ANTXR1: variants seen among roughly 807,000 people sequenced by gnomAD.
ANTXR1 encodes ANTXR cell adhesion molecule 1, also known as anthrax toxin receptor 1.
Under a neutral mutation model 78.1 loss-of-function variants are expected in ANTXR1, and 19 were observed. The observed-to-expected ratio is 0.24, with a 90% confidence interval of 0.17 to 0.36. ANTXR1 has a LOEUF of 0.36. Among genes scored for constraint, ANTXR1 ranks in the 10% least tolerant of loss-of-function variants. ANTXR1 has a pLI of 1.00. For synonymous variants in ANTXR1, 273 were observed against 260.5 expected (o/e 1.05, Z -0.46); for missense variants, 518 against 718.6 (o/e 0.72, Z 3.19).
chr2:69,097,732 GT>G (rs1671478958), intron 9 of ANTXR1, among the ~76,000 whole-genome samples: 1 of 152,142 alleles, frequency 6.6e-6, no homozygotes, highest in South Asian at 2.1e-4. Flanking sequence ...CCACTCCGAG[GT>G]TTTACCTAAG....
intron 17 of ANTXR1, among the ~76,000 whole-genome samples, chr2:69,200,794 T>C (rs1286659206): frequency 1.3e-5 from 2 of 152,202 alleles, no homozygotes; most frequent in South Asian, 4.1e-4. Flanking sequence ...GAGAGTGTCA[T>C]GCACTGTATG....
chr2:69,105,244 A>T (rs1671766901), intron 10 of ANTXR1, among the ~76,000 whole-genome samples: 1 of 152,238 alleles, frequency 6.6e-6, no homozygotes, highest in African/African-American at 2.4e-5. Flanking sequence ...ATATAGTTGC[A>T]AACATATGCA....
chr2:69,021,544 G>A (rs1671190818), intron 1 of ANTXR1, among the ~76,000 whole-genome samples: 1 of 152,150 alleles, frequency 6.6e-6, no homozygotes, highest in Non-Finnish European at 1.5e-5. Flanking sequence ...TCAAGGCTGC[G>A]AGGGAAGAGA....
intron 3 of ANTXR1, among the ~76,000 whole-genome samples, chr2:69,063,494 A>G (rs1322831924): frequency 6.6e-6 from 1 of 152,084 alleles, no homozygotes; most frequent in Non-Finnish European, 1.5e-5. Flanking sequence ...ATCAGCAGCA[A>G]ATCTGCGCTA....
At chr2:69,175,970 C>A (rs980133402) in intron 14 of ANTXR1, among the ~76,000 whole-genome samples, 2 of 152,020 alleles carry the variant, frequency 1.3e-5, no homozygotes, top group African/African-American at 4.8e-5. Context: ...ATCCTTCCAG[C>A]CATGTCTACA....
At position 69,147,492 on chromosome 2, in the gene ANTXR1, C is replaced by T. The variant is rs954061414; in HGVS notation, c.952-4677C>T. 7.9e-5 allele frequency among the ~76,000 whole-genome samples: 12 copies of T among 152,184 alleles called. No homozygotes were observed. In the South Asian group the frequency reaches 1.0e-3, roughly 13 times the overall value. On this transcript the variant is annotated intron_variant, in intron 12 of 17. Coordinates refer to ENST00000303714, the MANE Select transcript of ANTXR1 (RefSeq NM_032208.3). ...GACTTTCCTCTGAAGTCCATGTTCACCCATGCTATGTGCACATCCACACTG... is the reference window on the plus strand; with the variant it reads ...GACTTTCCTCTGAAGTCCATGTTCATCCATGCTATGTGCACATCCACACTG...
chr2:69,211,760 GGACT>G (rs1675050009), intron 17 of ANTXR1, among the ~76,000 whole-genome samples: 2 of 152,182 alleles, frequency 1.3e-5, no homozygotes, highest in African/African-American at 4.8e-5. Context: ...GGGAAATGCG[GGACT>G]GACTAAGAAG....
intron 17 of ANTXR1, among the ~76,000 whole-genome samples, chr2:69,235,293 G>C (rs929301151): frequency 6.6e-6 from 1 of 151,968 alleles, no homozygotes; most frequent in Non-Finnish European, 1.5e-5. Flanking sequence ...AAAGTGCTAG[G>C]ATTACAGGCA....
At chr2:69,155,528 G>C (rs535633378) in intron 13 of ANTXR1, among the ~76,000 whole-genome samples, 2 of 152,108 alleles carry the variant, frequency 1.3e-5, no homozygotes, top group East Asian at 3.8e-4. Context: ...AGTTTGGTCC[G>C]ATATTATTGA....
At chr2:69,037,939 C>T (rs1313916664) in intron 1 of ANTXR1, among the ~76,000 whole-genome samples, 2 of 152,146 alleles carry the variant, frequency 1.3e-5, no homozygotes, top group African/African-American at 4.8e-5. Context: ...AGCTCCTCAC[C>T]TCCCCTCTAC....
chr2:69,219,381 G>C lies in ANTXR1; in HGVS notation c.1435-25844G>C, dbSNP rs1236513238. On this transcript the variant is annotated intron_variant, in intron 17 of 17. Coordinates refer to ENST00000303714, the MANE Select transcript of ANTXR1 (RefSeq NM_032208.3). Reference sequence around the variant, plus strand: ...GTAACATCACAGTGTCCACCAGAAGGAGGACACACACACACACACACACAC... The same window carrying C: ...GTAACATCACAGTGTCCACCAGAAGCAGGACACACACACACACACACACAC... 5.6e-5 allele frequency among the ~76,000 whole-genome samples: 3 copies of C among 54,028 alleles called. No homozygotes were observed. The Middle Eastern group carries it at 0.022, about 403-fold the overall frequency. The allele number at this position is 54,028 out of a possible 152,430, so 35.4% of individuals were successfully genotyped here.
intron 1 of ANTXR1, among the ~76,000 whole-genome samples, chr2:69,023,966 T>G (rs1671271454): frequency 1.3e-5 from 2 of 152,242 alleles, no homozygotes; most frequent in East Asian, 3.8e-4. Context: ...TTGGATTTTA[T>G]TCCATCAGGA....
chr2:69,138,362 T>C (rs1022391102), intron 12 of ANTXR1, among the ~76,000 whole-genome samples: 1 of 152,184 alleles, frequency 6.6e-6, no homozygotes, highest in Non-Finnish European at 1.5e-5. Context: ...ATTGTCCTAG[T>C]TGGCAGCTTA....
Position 69,122,599 on chromosome 2 carries a change from TTTA to T in ANTXR1, c.803-407_803-405del, listed in dbSNP as rs549445506. 1.6e-3 allele frequency among the ~76,000 whole-genome samples: 246 copies of T among 152,304 alleles called. 3 individuals are homozygous for T. Among genetic ancestry groups the T allele is most frequent in the Middle Eastern group, 0.01 (3 of 294 alleles). ...AGAGTTTTGTTTTTGTTTTTGTTTT[TTTA>T]TTATTATTATACGTTAAGTTCTAGG... On this transcript the variant is annotated intron_variant, in intron 10 of 17. Coordinates refer to ENST00000303714, the MANE Select transcript of ANTXR1 (RefSeq NM_032208.3).
At chr2:69,151,348 T>G (rs1673390370) in intron 12 of ANTXR1, among the ~76,000 whole-genome samples, 1 of 152,074 alleles carries the variant, frequency 6.6e-6, no homozygotes, top group Non-Finnish European at 1.5e-5. Context: ...CTAGAAAGAT[T>G]TGCTGATTTG....
chr2:69,177,541 C>A (rs899802000), intron 14 of ANTXR1, among the ~76,000 whole-genome samples: 1 of 152,200 alleles, frequency 6.6e-6, no homozygotes, highest in Non-Finnish European at 1.5e-5. Flanking sequence ...CTCCAGCCAG[C>A]TGGACGTCTG....
At chr2:69,189,068 C>T (rs1674492171) in intron 16 of ANTXR1, among the ~76,000 whole-genome samples, 1 of 152,306 alleles carries the variant, frequency 6.6e-6, no homozygotes, top group African/African-American at 2.4e-5. Context: ...CACTGTTTTT[C>T]TAAAGCTCTT....
chr2:69,175,570 A>C (rs1674099170), intron 14 of ANTXR1, among the ~76,000 whole-genome samples: 2 of 152,278 alleles, frequency 1.3e-5, no homozygotes, highest in South Asian at 4.1e-4. Context: ...ACTGCAGTGA[A>C]CCATGTTCAT....
chr2:69,239,394 C>T (rs1385948314), intron 17 of ANTXR1, among the ~76,000 whole-genome samples: 1 of 152,154 alleles, frequency 6.6e-6, no homozygotes, highest in Non-Finnish European at 1.5e-5. Context: ...CATAGCGAAA[C>T]CCCGTCTCTA....
Sources: gnomAD v4.1 joint callset for allele counts (sites outside exome capture counted in the v4.1 genomes callset) on GRCh38, gnomAD v4.1.1 for gene constraint, MANE v1.5 for transcripts, NCBI Gene and HGNC (gene_info 2026-07-23, HGNC 2026-07-21) for gene names.